The following PTK2 variants were observed in gnomAD, a reference collection of about 807,000 sequenced individuals.
PTK2 encodes the protein focal adhesion kinase 1.
Under a neutral mutation model 150.1 loss-of-function variants are expected in PTK2, and 45 were observed. The ratio of observed to expected loss-of-function variants is 0.30; its 90% CI spans 0.24 to 0.38. The LOEUF (loss-of-function observed/expected upper bound fraction) is 0.38. Ranked by LOEUF, PTK2 falls within the 10% of genes least tolerant of loss-of-function variation. PTK2 has a pLI of 1.00. For synonymous variants in PTK2, 432 were observed against 449.2 expected, an observed-to-expected ratio of 0.96 and a Z score of 0.48; for missense variants, 919 against 1,307.3, an observed-to-expected ratio of 0.70 and a Z score of 4.58.
intron 22 of PTK2, chr8:140,721,664 C>A (rs574786830): frequency 1.3e-5 from 2 of 152,092 alleles, no homozygotes; most frequent in Non-Finnish European, 2.9e-5. Flanking sequence ...CTCACCTATA[C>A]ACCTTCTTCC....
chr8:140,789,407 A>G, intron 14 of PTK2, 67 bp downstream of exon 14: 1 of 1,460,610 alleles, frequency 6.8e-7, no homozygotes. Flanking sequence ...TATACTAAAA[A>G]TAGACATCTA....
chr8:140,687,766 G>C (rs1590163447), intron 26 of PTK2, among the ~76,000 whole-genome samples: 2 of 152,330 alleles, frequency 1.3e-5, no homozygotes, highest in Admixed American at 6.5e-5. Flanking sequence ...GTGGGTGCCA[G>C]GGTGTAGTAG....
intron 4 of PTK2, among the ~76,000 whole-genome samples, chr8:140,868,697 A>G (rs1046690923): frequency 6.6e-6 from 1 of 152,228 alleles, no homozygotes; most frequent in African/African-American, 2.4e-5. Context: ...AACCTTAATC[A>G]TAAAAACAAT....
chr8:140,935,499 A>T (rs1178864543), intron 1 of PTK2, among the ~76,000 whole-genome samples: 3 of 152,134 alleles, frequency 2.0e-5, no homozygotes, highest in Non-Finnish European at 4.4e-5. Context: ...GAAGAAAGTT[A>T]TTAGTACCTC....
chr8:140,879,691 A>AAC, intron 3 of PTK2, 54 bp from the exon 4 acceptor site: 1 of 1,271,366 alleles, frequency 7.9e-7, no homozygotes, highest in Non-Finnish European at 1.0e-6. Flanking sequence ...AAAAAAAAAA[A>AAC]AAAAAAAAAA....
At chr8:140,766,881 T>C (rs1475091225) in intron 14 of PTK2, among the ~76,000 whole-genome samples, 2 of 152,204 alleles carry the variant, frequency 1.3e-5, no homozygotes, top group Non-Finnish European at 2.9e-5. Context: ...TCATCTGCCT[T>C]GTAGCACTGT....
At chr8:140,687,355 T>C (rs1248851375) in intron 26 of PTK2, among the ~76,000 whole-genome samples, 1 of 152,138 alleles carries the variant, frequency 6.6e-6, no homozygotes, top group Non-Finnish European at 1.5e-5. Flanking sequence ...ACTGGCCACA[T>C]ACTTCTTCCC....
intron 5 of PTK2, among the ~76,000 whole-genome samples, chr8:140,861,807 T>C (rs931279479): frequency 6.6e-6 from 1 of 152,226 alleles, no homozygotes; most frequent in African/African-American, 2.4e-5. Flanking sequence ...TCACTGCATA[T>C]TCCTTTAAGC....
intron 31 of PTK2, 85 bp from the exon 36 acceptor site, chr8:140,659,763 C>A: frequency 1.6e-6 from 2 of 1,256,928 alleles, no homozygotes; most frequent in South Asian, 1.5e-5. Context: ...CTGTGTTGTC[C>A]AAGCTTGCCT....
chr8:140,894,550 G>A (rs2100155397), intron 2 of PTK2, among the ~76,000 whole-genome samples: 1 of 152,108 alleles, frequency 6.6e-6, no homozygotes, highest in Admixed American at 6.5e-5. Flanking sequence ...TCTGCTGGGG[G>A]AAAAACAAAA....
intron 4 of PTK2, among the ~76,000 whole-genome samples, chr8:140,878,163 T>G (rs557635102): frequency 6.6e-6 from 1 of 152,372 alleles, no homozygotes; most frequent in South Asian, 2.1e-4. Flanking sequence ...AAGTCAAATC[T>G]TCTCTAGCCA....
chr8:140,711,146 G>A (rs1208726439), intron 23 of PTK2, among the ~76,000 whole-genome samples: 2 of 152,108 alleles, frequency 1.3e-5, no homozygotes, highest in Non-Finnish European at 2.9e-5. Flanking sequence ...TTGTTCTGTC[G>A]CCCAGGCTAG....
At chr8:140,674,036 G>A in intron 29 of PTK2, 1 of 593,462 alleles carries the variant, frequency 1.7e-6, no homozygotes, top group Non-Finnish European at 3.2e-6. Flanking sequence ...GATGTATGTA[G>A]AAAATCAGAA....
chr8:140,697,416 T>TTGTGTG lies in PTK2; in HGVS notation c.2499+3469_2499+3474dup, dbSNP rs34459077. 5.2e-3 allele frequency among the ~76,000 whole-genome samples: 751 copies of TTGTGTG among 145,798 alleles called. 4 individuals carry two copies. The highest frequency in any genetic ancestry group is 0.015 in the African/African-American group (605 of 39,578). ...CTACAGGAAGTTCTTAGAATACGGT[T>TTGTGTG]TGTGTGTGTGTGTGTGTGTGTGTGT... On this transcript the variant is annotated intron_variant, in intron 26 of 31. Coordinates refer to ENST00000522684, the Ensembl canonical transcript of PTK2.
chr8:140,698,898 A>C (rs946996287), intron 26 of PTK2, among the ~76,000 whole-genome samples: 6 of 147,010 alleles, frequency 4.1e-5, no homozygotes, highest in African/African-American at 1.5e-4. Flanking sequence ...TATAGGCATG[A>C]GCCACTGCAC....
chr8:140,895,525 T>TA (rs60850146), intron 2 of PTK2, among the ~76,000 whole-genome samples: 91,644 of 145,360 alleles, frequency 0.63, 29,428 homozygotes, highest in East Asian at 0.93. Context: ...CTGTCTCCTT[T>TA]AAAAAAAAAA....
intron 9 of PTK2, among the ~76,000 whole-genome samples, 161 bp downstream of exon 9, chr8:140,818,719 T>G (rs2100106248): frequency 6.6e-6 from 1 of 152,228 alleles, no homozygotes; most frequent in Non-Finnish European, 1.5e-5. Context: ...ACATTAATTA[T>G]TTTCTTTTTC....
Position 140,983,279 on chromosome 8 carries a change from C to T in PTK2, c.-122+17846G>A, listed in dbSNP as rs564003879. On this transcript the variant is annotated intron_variant, in intron 1 of 31. Transcript: ENST00000522684. ...ACAGGTGCCTGTAATCCCAGCTACT[C>T]GGAAGGCTGAGGCAGGAGAATTGCT... is the stretch of plus-strand genomic sequence containing the variant. 1.6e-4 allele frequency among the ~76,000 whole-genome samples: 23 copies of T among 146,792 alleles called. No individual in the cohort carries two copies. In the East Asian group the frequency reaches 3.9e-3, roughly 25 times the overall value.
intron 1 of PTK2, among the ~76,000 whole-genome samples, chr8:140,970,833 C>T (rs930850703): frequency 1.3e-5 from 2 of 151,218 alleles, no homozygotes; most frequent in Non-Finnish European, 2.9e-5. Flanking sequence ...GATAACTTAA[C>T]CATGTTAAGT....
Sources: gnomAD v4.1 joint callset for allele counts (sites outside exome capture counted in the v4.1 genomes callset) on GRCh38, gnomAD v4.1.1 for gene constraint, MANE v1.5 for transcripts, NCBI Gene and HGNC (gene_info 2026-07-23, HGNC 2026-07-21) for gene names.